The following RBFOX1 variants were observed in gnomAD, a reference collection of about 807,000 sequenced individuals.
RBFOX1 encodes the protein RNA binding fox-1 homolog 1, also known as RNA binding protein fox-1 homolog 1.
Under a neutral mutation model 57.7 loss-of-function variants are expected in RBFOX1, and 8 were observed. The observed-to-expected ratio is 0.14, with a 90% confidence interval of 0.08 to 0.25. The LOEUF (loss-of-function observed/expected upper bound fraction) is 0.25, where lower values mean the gene tolerates loss of function less well. Ranked by LOEUF, RBFOX1 falls within the 10% of genes least tolerant of loss-of-function variation. The pLI is 1.00. For synonymous variants in RBFOX1, 326 were observed against 222.4 expected, an observed-to-expected ratio of 1.47 and a Z score of -4.15; for missense variants, 611 against 548.5, an observed-to-expected ratio of 1.11 and a Z score of -1.14.
intron 1 of RBFOX1, among the ~76,000 whole-genome samples, chr16:6,199,092 C>T (rs1478136031): frequency 6.6e-6 from 1 of 152,012 alleles, no homozygotes; most frequent in African/African-American, 2.4e-5. Flanking sequence ...AGTTTCTATG[C>T]TCCGTTCCAT....
At chr16:5,331,404 A>G (rs1439070278) in intron 1 of RBFOX1, among the ~76,000 whole-genome samples, 2 of 152,222 alleles carry the variant, frequency 1.3e-5, no homozygotes, top group Non-Finnish European at 2.9e-5. Context: ...GATCTTGGCT[A>G]GACTCATTCA....
At chr16:6,485,425 A>G (rs1158899262) in intron 2 of RBFOX1, among the ~76,000 whole-genome samples, 1 of 151,182 alleles carries the variant, frequency 6.6e-6, no homozygotes, top group African/African-American at 2.4e-5. Flanking sequence ...ATCTACGTGT[A>G]TTTCTTTCCA....
intron 1 of RBFOX1, among the ~76,000 whole-genome samples, chr16:5,418,080 T>TCAA (rs58380992): frequency 0.49 from 73,241 of 150,824 alleles, 18,929 homozygotes; most frequent in East Asian, 0.65. Flanking sequence ...AAACTCCATC[T>TCAA]CAACAACAAC....
At chr16:6,680,155 G>A (rs1032930291) in intron 3 of RBFOX1, among the ~76,000 whole-genome samples, 1 of 151,888 alleles carries the variant, frequency 6.6e-6, no homozygotes, top group Non-Finnish European at 1.5e-5. Context: ...GTTGTGTTTG[G>A]GAATGAGAAG....
At chr16:6,422,168 C>T (rs1340874368) in intron 2 of RBFOX1, among the ~76,000 whole-genome samples, 2 of 151,762 alleles carry the variant, frequency 1.3e-5, no homozygotes, top group Non-Finnish European at 2.9e-5. Flanking sequence ...CGTAATCTGC[C>T]ACCTTGGCCT....
intron 1 of RBFOX1, among the ~76,000 whole-genome samples, chr16:6,129,290 G>C (rs1281752151): frequency 6.6e-6 from 1 of 151,908 alleles, no homozygotes; most frequent in Non-Finnish European, 1.5e-5. Flanking sequence ...TTACTTAAAT[G>C]AATAAACAAG....
At chr16:7,200,024 A>G (rs927984105) in intron 4 of RBFOX1, among the ~76,000 whole-genome samples, 2 of 152,258 alleles carry the variant, frequency 1.3e-5, no homozygotes, top group Non-Finnish European at 2.9e-5. Context: ...TCACAATCAT[A>G]GAGCCAGATT....
chr16:6,207,862 A>G (rs1383939957), intron 1 of RBFOX1, among the ~76,000 whole-genome samples: 1 of 152,106 alleles, frequency 6.6e-6, no homozygotes, highest in Non-Finnish European at 1.5e-5. Flanking sequence ...TAATTAAAAA[A>G]AAATTTTTTT....
intron 3 of RBFOX1, among the ~76,000 whole-genome samples, chr16:6,758,127 C>T (rs2076084288): frequency 6.6e-6 from 1 of 151,994 alleles, no homozygotes; most frequent in African/African-American, 2.4e-5. Flanking sequence ...AATGGGGATT[C>T]ATGATTTTGA....
intron 3 of RBFOX1, among the ~76,000 whole-genome samples, chr16:5,781,009 A>G (rs933890059): frequency 6.6e-6 from 1 of 152,214 alleles, no homozygotes; most frequent in Non-Finnish European, 1.5e-5. Flanking sequence ...TTATGATAAA[A>G]CAGGTTAGAA....
intron 4 of RBFOX1, among the ~76,000 whole-genome samples, chr16:7,386,766 T>C (rs759019036): frequency 3.9e-5 from 6 of 152,152 alleles, no homozygotes; most frequent in Non-Finnish European, 7.3e-5. Context: ...CTGGGTCTAA[T>C]GGTATTTCTA....
intron 4 of RBFOX1, among the ~76,000 whole-genome samples, chr16:7,084,544 G>GA (rs749940789): frequency 5.9e-5 from 9 of 152,126 alleles, no homozygotes; most frequent in Admixed American, 2.6e-4. Flanking sequence ...TGCCCCAAAA[G>GA]AAAGGGGAAT....
At chr16:6,010,449 G>C (rs1027219399) in intron 4 of RBFOX1, among the ~76,000 whole-genome samples, 8 of 152,194 alleles carry the variant, frequency 5.3e-5, no homozygotes, top group African/African-American at 1.2e-4. Flanking sequence ...ACTTGCTTGA[G>C]GACATTCTTT....
At chr16:7,533,091 A>G (rs561818408) in intron 5 of RBFOX1, among the ~76,000 whole-genome samples, 13 of 152,342 alleles carry the variant, frequency 8.5e-5, no homozygotes, top group African/African-American at 3.1e-4. Context: ...TATTTGTCAT[A>G]GTCGCCAGCA....
intron 3 of RBFOX1, among the ~76,000 whole-genome samples, chr16:6,661,549 C>T (rs1162772096): frequency 6.6e-6 from 1 of 152,150 alleles, no homozygotes; most frequent in Non-Finnish European, 1.5e-5. Context: ...CAGAGTTACA[C>T]AGCACCAAGA....
chr16:5,434,506 G>C lies in RBFOX1; in HGVS notation c.220-32710G>C, dbSNP rs538171996. On this transcript the variant is annotated intron_variant, in intron 1 of 2. Transcript: ENST00000585867. ...CCAGCTAATTTTTGTATTTTTAGTA[G>C]AGATGAGGTTTCTCCATGTTAAGCT... is the stretch of plus-strand genomic sequence containing the variant. 8.6e-5 allele frequency among the ~76,000 whole-genome samples: 13 copies of C among 151,752 alleles called. No individual in the cohort carries two copies. The South Asian group carries it at 2.5e-3, about 29-fold the overall frequency.
In RBFOX1 at chr16:6,669,184, T is replaced by C. The variant is rs184018830; in HGVS notation, c.-16+14534T>C. ...GGATTATGCCATCCATCTCAGCAAG[T>C]AGGTTGCTGGAAAAATTTGTGATGG... On this transcript the variant is annotated intron_variant, in intron 3 of 15. Coordinates refer to ENST00000550418, the MANE Select transcript of RBFOX1 (RefSeq NM_018723.4). Among the ~76,000 whole-genome samples the C allele has an allele frequency of 1.1e-4, 16 of 152,280 alleles. No homozygotes were observed. The East Asian group carries it at 2.7e-3, about 26-fold the overall frequency.
intron 1 of RBFOX1, among the ~76,000 whole-genome samples, chr16:5,327,140 TC>T (rs2064599289): frequency 6.6e-6 from 1 of 152,204 alleles, no homozygotes; most frequent in Non-Finnish European, 1.5e-5. Flanking sequence ...AATGGCAGTT[TC>T]TGAGTGATCA....
chr16:5,300,359 G>A (rs1362227849), intron 1 of RBFOX1, among the ~76,000 whole-genome samples: 2 of 152,122 alleles, frequency 1.3e-5, no homozygotes, highest in African/African-American at 4.8e-5. Flanking sequence ...TGGGGACTCG[G>A]GAGAAAGGGT....
Sources: allele counts gnomAD v4.1 joint callset (sites outside exome capture counted in the v4.1 genomes callset), GRCh38; gene constraint gnomAD v4.1.1; transcripts MANE v1.5; gene names NCBI Gene and HGNC (gene_info 2026-07-23, HGNC 2026-07-21).